Variants in GALNT13 observed in about 807,000 individuals in gnomAD.
GALNT13 encodes UDP-GalNAc:polypeptide N-acetylgalactosaminyltransferase 13.
In GALNT13, 28 loss-of-function variants were observed where a neutral mutation model predicts 64.2. The observed-to-expected ratio is 0.44, with a 90% CI of 0.32 to 0.60. The LOEUF (loss-of-function observed/expected upper bound fraction) is 0.60. Ranked by LOEUF, GALNT13 falls within the 20% of genes least tolerant of loss-of-function variation. GALNT13 has a pLI of 0.05. For synonymous variants in GALNT13, 214 were observed against 224.6 expected, an observed-to-expected ratio of 0.95 and a Z score of 0.42; for missense variants, 577 against 669.8, an observed-to-expected ratio of 0.86 and a Z score of 1.53.
intron 2 of GALNT13, among the ~76,000 whole-genome samples, chr2:153,904,490 T>C (rs1485624308): frequency 6.6e-6 from 1 of 151,944 alleles, no homozygotes; most frequent in Non-Finnish European, 1.5e-5. Context: ...CAAAGATTAG[T>C]ATAATCATTT....
At chr2:154,095,491 C>A (rs1209433561) in intron 3 of GALNT13, among the ~76,000 whole-genome samples, 1 of 151,850 alleles carries the variant, frequency 6.6e-6, no homozygotes, top group Non-Finnish European at 1.5e-5. Context: ...AGGTCAAGAA[C>A]CCCTATTTTA....
the GALNT13 span, among the ~76,000 whole-genome samples, chr2:153,523,742 T>C: frequency 5.8e-4 from 89 of 152,330 alleles, no homozygotes; most frequent in African/African-American, 2.1e-3. Context: ...TGGATAATTA[T>C]ATCATCTGTG....
chr2:154,242,893 T>A lies in GALNT13; in HGVS notation c.674T>A (p.Ile225Lys). Residue 225 changes from isoleucine to lysine, a missense_variant, in exon 6 of 13, where the codon ATA (isoleucine) becomes AAA (lysine). Ile to Lys is a moderately radical substitution (Grantham distance 102, BLOSUM62 -3). Transcript: ENST00000392825. Reference protein sequence around the residue: ...LGWLEPLLARIKEDRKTVVCP... With the variant: ...LGWLEPLLARKKEDRKTVVCP... ...TGGCTGGAGCCTTTGCTGGCAAGAA[T>A]AAAGGAAGACAGGTAAGAATTTATG... 1 of 1,613,992 alleles carries A rather than the reference T, an allele frequency of 6.2e-7. No homozygotes were observed. Among genetic ancestry groups the A allele is most frequent in the East Asian group, 2.2e-5 (1 of 44,848 alleles).
the GALNT13 span, among the ~76,000 whole-genome samples, chr2:153,267,049 G>A: frequency 6.6e-6 from 1 of 152,224 alleles, no homozygotes; most frequent in African/African-American, 2.4e-5. Context: ...AAACAAAGGG[G>A]CCACAGGCCC....
chr2:153,720,015 GAC>G, the GALNT13 span, among the ~76,000 whole-genome samples: 1 of 150,842 alleles, frequency 6.6e-6, no homozygotes, highest in Non-Finnish European at 1.5e-5. Context: ...GCAGGGCACA[GAC>G]AAACAAAAAG....
At chr2:154,366,051 G>T (rs561447965) in intron 9 of GALNT13, among the ~76,000 whole-genome samples, 1 of 152,034 alleles carries the variant, frequency 6.6e-6, no homozygotes, top group Non-Finnish European at 1.5e-5. Flanking sequence ...ATGTGTTCCT[G>T]TAATTTTAAT....
At chr2:153,951,686 G>C (rs1692195023) in intron 3 of GALNT13, among the ~76,000 whole-genome samples, 1 of 152,060 alleles carries the variant, frequency 6.6e-6, no homozygotes. Flanking sequence ...CGTTGAGTTT[G>C]ATATGCCTGT....
chr2:154,224,692 A>G (rs1688494536), intron 4 of GALNT13, among the ~76,000 whole-genome samples: 1 of 152,108 alleles, frequency 6.6e-6, no homozygotes, highest in Admixed American at 6.6e-5. Flanking sequence ...TGATGCTGAA[A>G]CAACTGGTTT....
At chr2:153,297,772 A>C in the GALNT13 span, among the ~76,000 whole-genome samples, 1 of 152,236 alleles carries the variant, frequency 6.6e-6, no homozygotes, top group Non-Finnish European at 1.5e-5. Flanking sequence ...GGCTAACAAT[A>C]GTGGATGTGC....
At chr2:153,096,751 G>T in the GALNT13 span, among the ~76,000 whole-genome samples, 33,637 of 152,024 alleles carry the variant, frequency 0.22, 4,616 homozygotes, top group Non-Finnish European at 0.32. Flanking sequence ...ATCTGTGTAT[G>T]TCTTTATAGG....
the GALNT13 span, among the ~76,000 whole-genome samples, chr2:153,352,125 G>A: frequency 1.3e-5 from 2 of 152,092 alleles, no homozygotes; most frequent in Admixed American, 6.6e-5. Flanking sequence ...ATATTTGTTT[G>A]TATTAGCGTT....
intron 3 of GALNT13, among the ~76,000 whole-genome samples, chr2:154,105,012 T>C (rs1702539877): frequency 6.6e-6 from 1 of 152,112 alleles, no homozygotes; most frequent in Non-Finnish European, 1.5e-5. Flanking sequence ...TCTCTGACAA[T>C]TTGGTACTCA....
At chr2:153,659,052 A>T in the GALNT13 span, among the ~76,000 whole-genome samples, 1 of 152,172 alleles carries the variant, frequency 6.6e-6, no homozygotes, top group Non-Finnish European at 1.5e-5. Flanking sequence ...AATACAAAAT[A>T]AAAAGGACTG....
intron 9 of GALNT13, among the ~76,000 whole-genome samples, chr2:154,372,740 T>C (rs760393934): frequency 1.3e-5 from 2 of 152,104 alleles, no homozygotes; most frequent in Non-Finnish European, 2.9e-5. Context: ...TTTTGGGTAG[T>C]GAAATTGTCT....
the GALNT13 span, among the ~76,000 whole-genome samples, chr2:153,464,545 T>C: frequency 2.4e-4 from 36 of 152,232 alleles, no homozygotes; most frequent in Admixed American, 7.2e-4. Context: ...CACAATGTTG[T>C]TCTTGGCAAA....
At chr2:154,393,010 G>A (rs1698868774) in intron 9 of GALNT13, among the ~76,000 whole-genome samples, 1 of 152,190 alleles carries the variant, frequency 6.6e-6, no homozygotes, top group South Asian at 2.1e-4. Context: ...GAGAAAATCA[G>A]TGGATATTTG....
intron 3 of GALNT13, among the ~76,000 whole-genome samples, chr2:154,043,653 T>C (rs2105332225): frequency 6.6e-6 from 1 of 152,078 alleles, no homozygotes; most frequent in South Asian, 2.1e-4. Context: ...AAATGTATAA[T>C]TAAGTCAAAA....
chr2:154,371,726 C>T (rs1270029890), intron 9 of GALNT13, among the ~76,000 whole-genome samples: 6 of 149,356 alleles, frequency 4.0e-5, no homozygotes, highest in African/African-American at 1.5e-4. Flanking sequence ...TACTCTGATC[C>T]TGAGTAGGGA....
At chr2:153,509,238 G>A in the GALNT13 span, among the ~76,000 whole-genome samples, 1 of 152,234 alleles carries the variant, frequency 6.6e-6, no homozygotes, top group Admixed American at 6.5e-5. Context: ...GTGCAGGGCT[G>A]CCTCAGTCAG....
Sources: allele counts gnomAD v4.1 joint callset (sites outside exome capture counted in the v4.1 genomes callset), GRCh38; gene constraint gnomAD v4.1.1; transcripts MANE v1.5; gene names NCBI Gene and HGNC (gene_info 2026-07-23, HGNC 2026-07-21).